The following MACROD2 variants were observed in gnomAD, a reference collection of about 807,000 sequenced individuals.
MACROD2 encodes the protein mono-ADP ribosylhydrolase 2, also known as ADP-ribose glycohydrolase MACROD2.
Under a neutral mutation model 70.4 loss-of-function variants are expected in MACROD2, and 36 were observed. The observed-to-expected ratio is 0.51, with a 90% confidence interval of 0.39 to 0.68. The LOEUF (loss-of-function observed/expected upper bound fraction) is 0.68. MACROD2 is among the 30% of genes least tolerant of loss of function. The probability of loss-of-function intolerance (pLI) is 0.00; values close to 1 mark genes in which losing one functional copy is unlikely to be tolerated. For synonymous variants in MACROD2, 172 were observed against 178.8 expected (o/e 0.96, Z 0.30); for missense variants, 496 against 538.4 (o/e 0.92, Z 0.78).
intron 2 of MACROD2, among the ~76,000 whole-genome samples, chr20:14,071,741 TAG>T (rs1326296828): frequency 6.6e-6 from 1 of 152,086 alleles, no homozygotes; most frequent in African/African-American, 2.4e-5. Flanking sequence ...ATGCCTAAAA[TAG>T]AGGTGAAATA....
intron 5 of MACROD2, among the ~76,000 whole-genome samples, chr20:14,785,107 G>T (rs2072351363): frequency 6.6e-6 from 1 of 151,920 alleles, no homozygotes; most frequent in Non-Finnish European, 1.5e-5. Flanking sequence ...CATGCTAAAA[G>T]AAACAAATTG....
intron 5 of MACROD2, among the ~76,000 whole-genome samples, chr20:14,714,855 T>C (rs1306833085): frequency 6.6e-6 from 1 of 152,224 alleles, no homozygotes; most frequent in Non-Finnish European, 1.5e-5. Flanking sequence ...TTTCACCACT[T>C]ATCTAATAGT....
intron 8 of MACROD2, among the ~76,000 whole-genome samples, chr20:15,723,658 G>A (rs780822810): frequency 5.3e-5 from 8 of 152,078 alleles, no homozygotes; most frequent in Non-Finnish European, 1.0e-4. Context: ...TTCTTTGTTT[G>A]CATGTACCAC....
chr20:14,067,052 C>T (rs1319191074), intron 2 of MACROD2, among the ~76,000 whole-genome samples: 2 of 150,920 alleles, frequency 1.3e-5, no homozygotes, highest in African/African-American at 2.4e-5. Context: ...ACCTCGTGAT[C>T]CGCCCGTCTC....
At chr20:15,178,319 C>T (rs990276178) in intron 5 of MACROD2, among the ~76,000 whole-genome samples, 1 of 152,190 alleles carries the variant, frequency 6.6e-6, no homozygotes, top group African/African-American at 2.4e-5. Context: ...TCTAAAGTAA[C>T]CTTAGTAGTG....
intron 3 of MACROD2, among the ~76,000 whole-genome samples, chr20:14,251,655 G>A (rs759032357): frequency 6.6e-6 from 1 of 152,072 alleles, no homozygotes; most frequent in Non-Finnish European, 1.5e-5. Flanking sequence ...GTCTGCCTCT[G>A]AAGCCAGCAG....
chr20:15,183,503 T>TA (rs570725262), intron 5 of MACROD2, among the ~76,000 whole-genome samples: 16,253 of 148,106 alleles, frequency 0.11, 1,095 homozygotes, highest in African/African-American at 0.2. Flanking sequence ...CCCTGTCTCT[T>TA]AAAAAAAAAA....
At chr20:15,143,241 T>C (rs1227251981) in intron 5 of MACROD2, among the ~76,000 whole-genome samples, 1 of 152,206 alleles carries the variant, frequency 6.6e-6, no homozygotes, top group African/African-American at 2.4e-5. Context: ...TTGGTTTTGA[T>C]TTATATTTCT....
chr20:14,637,616 A>G (rs1984851327), intron 4 of MACROD2, among the ~76,000 whole-genome samples: 2 of 152,144 alleles, frequency 1.3e-5, no homozygotes, highest in Non-Finnish European at 2.9e-5. Flanking sequence ...ACGATTTGCC[A>G]ATCCCCTGTT....
At chr20:15,516,546 C>T (rs912188519) in intron 8 of MACROD2, among the ~76,000 whole-genome samples, 2 of 152,054 alleles carry the variant, frequency 1.3e-5, no homozygotes, top group Non-Finnish European at 2.9e-5. Context: ...CAGGGCAGTG[C>T]GGGTGCTGGG....
intron 5 of MACROD2, among the ~76,000 whole-genome samples, chr20:15,039,378 T>A (rs1045428723): frequency 2.6e-5 from 4 of 152,202 alleles, no homozygotes; most frequent in Non-Finnish European, 1.5e-5. Context: ...GAGAGTAACC[T>A]TTTCTAGGTT....
chr20:15,750,753 G>A (rs2051256750), intron 8 of MACROD2, among the ~76,000 whole-genome samples: 1 of 151,748 alleles, frequency 6.6e-6, no homozygotes, highest in African/African-American at 2.4e-5. Flanking sequence ...AGAAAATGTG[G>A]TATATCTATT....
At chr20:15,924,503 T>A (rs1487008912) in intron 10 of MACROD2, among the ~76,000 whole-genome samples, 2 of 152,174 alleles carry the variant, frequency 1.3e-5, no homozygotes, top group African/African-American at 2.4e-5. Flanking sequence ...GGAAACAACT[T>A]TTTTTTATTT....
At chr20:15,068,557 T>C (rs1170457975) in intron 5 of MACROD2, among the ~76,000 whole-genome samples, 2 of 152,136 alleles carry the variant, frequency 1.3e-5, no homozygotes, top group African/African-American at 2.4e-5. Context: ...TGTTAGTTCA[T>C]GTGAGAGCTA....
chr20:14,140,841 G>C (rs1490786082), intron 3 of MACROD2, among the ~76,000 whole-genome samples: 2 of 152,060 alleles, frequency 1.3e-5, no homozygotes, highest in Non-Finnish European at 1.5e-5. Context: ...CAGCTGGTGG[G>C]CTCCTGTACC....
At chr20:15,793,697 A>C (rs1338128992) in intron 8 of MACROD2, among the ~76,000 whole-genome samples, 1 of 151,042 alleles carries the variant, frequency 6.6e-6, no homozygotes, top group Non-Finnish European at 1.5e-5. Flanking sequence ...TATTCCTCCT[A>C]GGTAGATCCT....
chr20:14,295,276 T>G lies in MACROD2; in HGVS notation c.272-198203T>G, dbSNP rs552766622. On this transcript the variant is annotated intron_variant, in intron 3 of 17. Coordinates refer to ENST00000684519, the MANE Select transcript of MACROD2 (RefSeq NM_001351661.2). ...ATGAAGGTTTAACTGCTGCCAGAAT[T>G]TCTTTCCTGTAATAAAAAACTAGAA... Among the ~76,000 whole-genome samples, 253 of 152,008 alleles carry G rather than the reference T, an allele frequency of 1.7e-3. 1 individual carries two copies. Among genetic ancestry groups the G allele is most frequent in the South Asian group, 0.013 (64 of 4,826 alleles).
intron 3 of MACROD2, among the ~76,000 whole-genome samples, chr20:14,391,565 C>G (rs957362946): frequency 2.6e-5 from 4 of 151,760 alleles, no homozygotes. Context: ...CAACAAACTT[C>G]CATGACACAA....
At chr20:14,565,340 T>C (rs1170236548) in intron 4 of MACROD2, among the ~76,000 whole-genome samples, 1 of 127,080 alleles carries the variant, frequency 7.9e-6, no homozygotes, top group Non-Finnish European at 1.8e-5. Flanking sequence ...CCTGAATCTA[T>C]AAAAATGTAA....
Sources: gnomAD v4.1 joint callset for allele counts (sites outside exome capture counted in the v4.1 genomes callset) on GRCh38, gnomAD v4.1.1 for gene constraint, MANE v1.5 for transcripts, NCBI Gene and HGNC (gene_info 2026-07-23, HGNC 2026-07-21) for gene names.